HLA-DRB1: variants seen among roughly 807,000 people sequenced by gnomAD.
HLA-DRB1 encodes major histocompatibility complex, class II, DR beta 1, also known as major histocompatibility complex, class II, DR beta 1 precursor.
A neutral mutation model predicts 27.9 loss-of-function variants in HLA-DRB1; 10 were observed. The observed-to-expected ratio is 0.36, with a 90% confidence interval of 0.22 to 0.61. The LOEUF is 0.61. Ranked by LOEUF, HLA-DRB1 falls within the 20% of genes least tolerant of loss-of-function variation. The probability of loss-of-function intolerance (pLI) is 0.73; values close to 1 mark genes in which losing one functional copy is unlikely to be tolerated. For synonymous variants in HLA-DRB1, 57 were observed against 126.7 expected, an observed-to-expected ratio of 0.45 and a Z score of 3.69; for missense variants, 118 against 306.3, an observed-to-expected ratio of 0.39 and a Z score of 4.59.
chr6:32,583,347 A>C (rs1775835559), intron 2 of HLA-DRB1, among the ~76,000 whole-genome samples: 1 of 45,448 alleles, frequency 2.2e-5, no homozygotes, highest in Non-Finnish European at 4.5e-5. Flanking sequence ...GTTGTGTCAC[A>C]AATATTATAT....
rs200182767 is a variant in HLA-DRB1 at position 32,580,873 on chromosome 6, G to C, written c.653-17C>G. The C allele has an allele frequency of 9.5e-3, 15,151 of 1,592,188 alleles. 302 individuals carry two copies. Among genetic ancestry groups the C allele is most frequent in the South Asian group, 0.049 (4,372 of 89,530 alleles). On this transcript the variant is annotated splice_polypyrimidine_tract_variant and intron_variant, in intron 3 of 5. Coordinates refer to ENST00000360004, the Ensembl canonical transcript of HLA-DRB1. ...ACCGTGCTCCTGAGAGAGGAAGCCA[G>C]GTTTAGTGATGTTTATTCCAAATTG...
At chr6:32,581,941 C>A (rs28732339) in intron 2 of HLA-DRB1, 103 bp from the exon 3 acceptor site, 28,787 of 602,354 alleles carry the variant, frequency 0.048, 1,728 homozygotes, top group African/African-American at 0.1. Flanking sequence ...CTGGCCTTGA[C>A]CAGGCCTATA....
At chr6:32,589,601 T>C (rs147962567) in intron 1 of HLA-DRB1, 42 bp downstream of exon 1, 46,296 of 602,818 alleles carry the variant, frequency 0.077, 7,343 homozygotes, top group African/African-American at 0.27. Context: ...CTCCCTATTT[T>C]CCCCACCCCA....
At chr6:32,589,075 G>C (rs1412473714) in intron 1 of HLA-DRB1, among the ~76,000 whole-genome samples, 1 of 117,308 alleles carries the variant, frequency 8.5e-6, no homozygotes, top group Non-Finnish European at 1.8e-5. Context: ...TATAACTTCT[G>C]TCAGAGAACC....
chr6:32,584,577 A>G (rs41287310), intron 1 of HLA-DRB1, among the ~76,000 whole-genome samples, 199 bp from the exon 2 acceptor site: 25,418 of 142,640 alleles, frequency 0.18, 857 homozygotes, highest in Middle Eastern at 0.31. Flanking sequence ...ACCATGCGGG[A>G]AAACCCCTTC....
In HLA-DRB1 at chr6:32,580,650, C is replaced by T. The variant is rs35030446; in HGVS notation, c.763+96G>A. On this transcript the variant is annotated intron_variant, in intron 4 of 5. Transcript: ENST00000360004. ...CGTTTGGGGAAAGAAAGGCTTTATT[C>T]AGGGCCACTCATATACTGAGAACTA... 5.5e-3 allele frequency: 5,820 copies of T among 1,057,608 alleles called. 1 individual carries two copies. The highest frequency in any genetic ancestry group is 7.0e-3 in the Non-Finnish European group (5,021 of 721,280). The allele number at this position is 1,057,608 out of a possible 1,614,324, so 65.5% of individuals were successfully genotyped here.
At chr6:32,588,811 T>TCCCA (rs1281992265) in intron 1 of HLA-DRB1, among the ~76,000 whole-genome samples, 3 of 77,272 alleles carry the variant, frequency 3.9e-5, no homozygotes, top group Non-Finnish European at 5.4e-5. Flanking sequence ...TTCATATAAT[T>TCCCA]TATACATTAG....
At chr6:32,585,944 A>G (rs1255902849) in intron 1 of HLA-DRB1, among the ~76,000 whole-genome samples, 13 of 78,852 alleles carry the variant, frequency 1.6e-4, no homozygotes, top group East Asian at 4.2e-4. Context: ...AGTCATTGCA[A>G]AATGTTACAT....
Position 32,586,718 on chromosome 6 carries a change from T to G in HLA-DRB1, c.101-2340A>C, listed in dbSNP as rs796374482. ...CCATTGACCTTCGGATTTCTCCACA[T>G]AAATGTCAATCAATCATCTCATATT... is the stretch of plus-strand genomic sequence containing the variant. On this transcript the variant is annotated intron_variant, in intron 1 of 5. Coordinates refer to ENST00000360004, the Ensembl canonical transcript of HLA-DRB1. Among the ~76,000 whole-genome samples, 112 of 80,844 alleles carry G rather than the reference T, an allele frequency of 1.4e-3. No homozygotes were observed. In the East Asian group the frequency reaches 0.014, roughly 10 times the overall value. 53.0% of individuals were successfully genotyped at this position (80,844 alleles called of 152,430 possible).
rs796910401 is a variant in HLA-DRB1, at chr6:32,586,823, C to T, written c.101-2445G>A. On this transcript the variant is annotated intron_variant, in intron 1 of 5. Transcript: ENST00000360004. ...TTTCCTATCTCAATAAACAACACTA[C>T]CACCCATTTATTTGTCAAAAGAAAA... 4.1e-3 allele frequency among the ~76,000 whole-genome samples: 374 copies of T among 91,414 alleles called. No individual in the cohort carries two copies. The East Asian group carries it at 0.053, about 13-fold the overall frequency. The allele number at this position is 91,414 out of a possible 152,430, so 60.0% of individuals were successfully genotyped here.
intron 1 of HLA-DRB1, among the ~76,000 whole-genome samples, chr6:32,587,798 C>A (rs796604990): frequency 0.045 from 4,132 of 92,434 alleles, 271 homozygotes; most frequent in East Asian, 0.059. Context: ...TTGTTAAATG[C>A]TTATTGGGTT....
intron 1 of HLA-DRB1, among the ~76,000 whole-genome samples, chr6:32,587,721 T>C (rs34863386): frequency 1.1e-5 from 1 of 94,240 alleles, no homozygotes; most frequent in African/African-American, 4.9e-5. Context: ...GGTGAATCCA[T>C]GTCTCTCTTT....
chr6:32,584,449 G>A, intron 1 of HLA-DRB1, 71 bp from the exon 2 acceptor site: 1 of 660,098 alleles, frequency 1.5e-6, no homozygotes, highest in Non-Finnish European at 2.3e-6. Flanking sequence ...GCCACCATCC[G>A]GGGCTCCCTG....
chr6:32,585,117 T>A (rs1776203613), intron 1 of HLA-DRB1, among the ~76,000 whole-genome samples: 1 of 82,472 alleles, frequency 1.2e-5, no homozygotes, highest in Non-Finnish European at 2.4e-5. Flanking sequence ...ATTTAATACT[T>A]CCTTGTGTTC....
chr6:32,579,075 TG>T (rs777675672), exon 6 of HLA-DRB1: 63,426 of 608,538 alleles, frequency 0.1, 15,408 homozygotes, highest in African/African-American at 0.32. Flanking sequence ...CTTCCTTGAA[TG>T]TGGTCATCTG....
chr6:32,582,047 T>C (rs41293169), intron 2 of HLA-DRB1, among the ~76,000 whole-genome samples: 30,342 of 104,516 alleles, frequency 0.29, 5,082 homozygotes, highest in Middle Eastern at 0.44. Flanking sequence ...TGAAAAATTG[T>C]GTTTGTTTCT....
chr6:32,583,037 T>G (rs1330037850), intron 2 of HLA-DRB1, among the ~76,000 whole-genome samples: 15 of 137,706 alleles, frequency 1.1e-4, no homozygotes, highest in Admixed American at 6.0e-4. Context: ...AACCACAAAC[T>G]GGAGCAAATG....
intron 1 of HLA-DRB1, among the ~76,000 whole-genome samples, chr6:32,586,003 C>T (rs558786787): frequency 0.03 from 3,487 of 117,182 alleles, 86 homozygotes; most frequent in Admixed American, 0.036. Context: ...ACTCCATTCT[C>T]ATGACCTAGA....
intron 1 of HLA-DRB1, among the ~76,000 whole-genome samples, chr6:32,585,514 C>A (rs1443773114): frequency 2.0e-5 from 2 of 99,876 alleles, no homozygotes; most frequent in Non-Finnish European, 4.0e-5. Context: ...ATAATAAACA[C>A]TCGAATACAT....
Sources: allele counts gnomAD v4.1 joint callset (sites outside exome capture counted in the v4.1 genomes callset), GRCh38; gene constraint gnomAD v4.1.1; transcripts MANE v1.5; gene names NCBI Gene and HGNC (gene_info 2026-07-23, HGNC 2026-07-21).